Variants in CCDC39 observed in about 807,000 individuals in gnomAD.
The protein encoded by CCDC39 is coiled-coil domain 39 molecular ruler complex subunit, also known as coiled-coil domain-containing protein 39.
CCDC39 carries 113 observed loss-of-function variants against 121.0 expected under a neutral mutation model. The observed-to-expected ratio is 0.93, with a 90% CI of 0.80 to 1.09. The LOEUF (loss-of-function observed/expected upper bound fraction) is 1.09, where lower values mean the gene tolerates loss of function less well. Among genes scored for constraint, CCDC39 ranks in the 50% least tolerant of loss-of-function variants. The pLI is 0.00. For synonymous variants in CCDC39, 349 were observed against 352.2 expected (o/e 0.99, Z 0.10); for missense variants, 1,063 against 1,074.7 (o/e 0.99, Z 0.15).
chr3:180,627,348 A>G (rs1250362424), intron 14 of CCDC39, among the ~76,000 whole-genome samples: 2 of 152,230 alleles, frequency 1.3e-5, no homozygotes, highest in African/African-American at 4.8e-5. Context: ...TCTGAAATAT[A>G]AAAGAATAGT....
intron 9 of CCDC39, among the ~76,000 whole-genome samples, chr3:180,649,114 T>C (rs1247427351): frequency 6.6e-6 from 1 of 152,192 alleles, no homozygotes; most frequent in Non-Finnish European, 1.5e-5. Flanking sequence ...TTTAGGAAAA[T>C]TTCTAAAAAT....
intron 7 of CCDC39, among the ~76,000 whole-genome samples, chr3:180,654,548 A>G (rs1285362257): frequency 6.6e-6 from 1 of 150,454 alleles, no homozygotes; most frequent in Non-Finnish European, 1.5e-5. Flanking sequence ...TTTACCTGTG[A>G]TGTGAATGGC....
chr3:180,651,644 C>A (rs557344615), intron 8 of CCDC39, 111 bp from the exon 9 acceptor site: 1 of 1,022,892 alleles, frequency 9.8e-7, no homozygotes, highest in Non-Finnish European at 1.3e-6. Context: ...GGGTTTTTTG[C>A]GTAAACCTTT....
At position 180,660,600 on chromosome 3, in the gene CCDC39, C is replaced by CT; in HGVS notation, c.485dup (p.Tyr163ValfsTer6). 1.3e-6 allele frequency: 2 copies of CT among 1,598,888 alleles called. No individual in the cohort carries two copies. The highest frequency in any genetic ancestry group is 1.7e-4 in the Middle Eastern group (1 of 6,042). ...TTTTATTATCATCTTGTTGTGCATA[C>CT]TTCTGGAGAGTGAGAGCATCACTAT... On this transcript the variant is annotated frameshift_variant, in exon 4 of 20. Transcript: ENST00000476379. LOFTEE classifies it high-confidence loss of function.
intron 16 of CCDC39, among the ~76,000 whole-genome samples, chr3:180,618,813 G>A (rs986193208): frequency 1.3e-5 from 2 of 151,982 alleles, no homozygotes. Context: ...ATCATTGTTG[G>A]ACATTTGGGT....
intron 16 of CCDC39, chr3:180,617,554 C>CTG (rs1275772210): frequency 1.7e-6 from 1 of 599,470 alleles, no homozygotes; most frequent in East Asian, 2.9e-5. Flanking sequence ...ATTGATGATC[C>CTG]TGACCACGGG....
At chr3:180,633,663 C>T (rs1473148070) in intron 13 of CCDC39, among the ~76,000 whole-genome samples, 1 of 151,862 alleles carries the variant, frequency 6.6e-6, no homozygotes, top group Non-Finnish European at 1.5e-5. Flanking sequence ...AAAGGGCCAA[C>T]ATCTAGTAAA....
intron 14 of CCDC39, among the ~76,000 whole-genome samples, chr3:180,621,492 T>C (rs139078319): frequency 7.9e-5 from 12 of 152,148 alleles, no homozygotes; most frequent in African/African-American, 2.9e-4. Context: ...TAATGATTAA[T>C]GATGATGAGC....
In CCDC39 at chr3:180,614,558, A is replaced by G. The variant is rs1320079232; in HGVS notation, c.*363T>C. On this transcript the variant is annotated 3_prime_UTR_variant, in exon 20 of 20. Transcript: ENST00000476379. The stretch of plus-strand genomic sequence containing the variant: ...TTTCACATTGCAATACGCTCATAAT[A>G]GTACAGTAAATCTTTAGAAATTTCT... The G allele has an allele frequency of 5.2e-6, 1 of 192,968 alleles. No homozygotes were observed. Among genetic ancestry groups the G allele is most frequent in the East Asian group, 1.7e-4 (1 of 5,960 alleles). The allele number at this position is 192,968 out of a possible 1,614,324, so 12.0% of individuals were successfully genotyped here.
chr3:180,672,053 C>T (rs1712063510), intron 1 of CCDC39, among the ~76,000 whole-genome samples: 2 of 152,102 alleles, frequency 1.3e-5, no homozygotes, highest in South Asian at 4.1e-4. Flanking sequence ...GAAGTCAATG[C>T]CTGGGTTCAT....
At chr3:180,662,258 C>T (rs573465494) in intron 2 of CCDC39, among the ~76,000 whole-genome samples, 18 of 152,066 alleles carry the variant, frequency 1.2e-4, no homozygotes, top group East Asian at 1.9e-4. Flanking sequence ...TCAGATACTA[C>T]GCTGGTCTAG....
At chr3:180,618,554 C>G (rs752548472) in intron 16 of CCDC39, among the ~76,000 whole-genome samples, 1 of 151,972 alleles carries the variant, frequency 6.6e-6, no homozygotes, top group Non-Finnish European at 1.5e-5. Context: ...CTATCCCTTC[C>G]CCCTCTCCCC....
chr3:180,677,582 A>C (rs1712271546), intron 1 of CCDC39, among the ~76,000 whole-genome samples: 2 of 152,100 alleles, frequency 1.3e-5, no homozygotes. Context: ...TTTTTTCTTA[A>C]CTTAGAGGAA....
intron 11 of CCDC39, among the ~76,000 whole-genome samples, chr3:180,645,707 G>C (rs1440764796): frequency 2.6e-5 from 4 of 152,140 alleles, no homozygotes; most frequent in African/African-American, 9.7e-5. Context: ...TTTACAATCT[G>C]TTGCTACTAT....
intron 8 of CCDC39, among the ~76,000 whole-genome samples, chr3:180,651,955 T>A (rs1458046485): frequency 6.6e-6 from 1 of 151,704 alleles, no homozygotes; most frequent in Non-Finnish European, 1.5e-5. Flanking sequence ...GAAAATGGTG[T>A]GAACCCAGGA....
Position 180,679,354 on chromosome 3 carries a change from C to A in CCDC39, c.27G>T (p.Leu9=). The change falls in exon 1 of 20, where the codon CTG becomes CTT. Residue 9 remains leucine (L), a synonymous_variant. Coordinates refer to ENST00000476379, the MANE Select transcript of CCDC39 (RefSeq NM_181426.2). This position sits in a 1 kb window ranked among gnomAD's most constrained non-coding sequence, Gnocchi z 4.0. MSSEFLAE[L]HWEDGFAIPV... is the part of the protein sequence containing the mutation. ...GGATGGCGAACCCATCCTCCCAGTG[C>A]AGCTCAGCCAGGAATTCGCTACTCA... 3 of 1,613,940 alleles carry A rather than the reference C, an allele frequency of 1.9e-6. No homozygotes were observed. The highest frequency in any genetic ancestry group is 2.5e-6 in the Non-Finnish European group (3 of 1,179,856).
chr3:180,670,639 CTTTTTTT>C (rs573623299), intron 1 of CCDC39, among the ~76,000 whole-genome samples: 2 of 120,440 alleles, frequency 1.7e-5, no homozygotes, highest in African/African-American at 6.0e-5. Context: ...TTTTTTTTCT[CTTTTTTT>C]TTTTTTTTTG....
At chr3:180,616,466 T>C (rs1386537048) in intron 18 of CCDC39, 50 bp downstream of exon 18, 10 of 1,500,206 alleles carry the variant, frequency 6.7e-6, no homozygotes, top group Non-Finnish European at 8.0e-6. Context: ...ATGAAAGTTT[T>C]TATTTTCATG....
intron 13 of CCDC39, among the ~76,000 whole-genome samples, chr3:180,638,513 T>C (rs1185515450): frequency 1.3e-5 from 2 of 151,910 alleles, no homozygotes; most frequent in Non-Finnish European, 2.9e-5. Flanking sequence ...ACAAAACACA[T>C]ACGTAATTTT....
Sources: gnomAD v4.1 joint callset for allele counts (sites outside exome capture counted in the v4.1 genomes callset) on GRCh38, gnomAD v4.1.1 for gene constraint, Gnocchi (gnomAD v3.1) non-coding constraint, MANE v1.5 for transcripts, NCBI Gene and HGNC (gene_info 2026-07-23, HGNC 2026-07-21) for gene names.